The following LARP4B variants were observed in gnomAD, a reference collection of about 807,000 sequenced individuals.
LARP4B encodes the protein la-related protein 4B.
LARP4B carries 12 observed loss-of-function variants against 89.8 expected under a neutral mutation model. That is an observed-to-expected ratio of 0.13 (90% CI 0.09 to 0.22). The LOEUF (loss-of-function observed/expected upper bound fraction) is 0.22. LARP4B is among the 10% of genes least tolerant of loss of function. The probability of loss-of-function intolerance (pLI) is 1.00; values close to 1 mark genes in which losing one functional copy is unlikely to be tolerated. For synonymous variants in LARP4B, 367 were observed against 363.3 expected, an observed-to-expected ratio of 1.01 and a Z score of -0.12; for missense variants, 757 against 947.7, an observed-to-expected ratio of 0.80 and a Z score of 2.64.
chr10:910,667 C>A (rs924651859), intron 1 of LARP4B, among the ~76,000 whole-genome samples: 1 of 152,164 alleles, frequency 6.6e-6, no homozygotes, highest in Non-Finnish European at 1.5e-5. Flanking sequence ...TGCCTCAGGG[C>A]CAGGATTTTG....
intron 3 of LARP4B, 56 bp downstream of exon 3, chr10:884,391 T>C (rs2131929013): frequency 8.7e-7 from 1 of 1,143,686 alleles, no homozygotes; most frequent in Non-Finnish European, 1.3e-6. Context: ...TAAGGAAGTA[T>C]CTCTGAGCCT....
intron 1 of LARP4B, among the ~76,000 whole-genome samples, chr10:921,029 T>C (rs1481751321): frequency 2.0e-5 from 3 of 152,132 alleles, no homozygotes; most frequent in African/African-American, 7.2e-5. Flanking sequence ...ATCCCAGCAC[T>C]TTGGGAGGCC....
the LARP4B span, among the ~76,000 whole-genome samples, chr10:954,609 A>G: frequency 2.0e-5 from 3 of 152,204 alleles, no homozygotes; most frequent in South Asian, 6.2e-4. This position sits in a 1 kb window ranked among gnomAD's most constrained non-coding sequence, Gnocchi z 5.0. Context: ...CACGGGACCG[A>G]GAGGCCACAG....
chr10:886,536 T>C (rs1203732101), intron 1 of LARP4B, among the ~76,000 whole-genome samples: 3 of 152,170 alleles, frequency 2.0e-5, no homozygotes, highest in Non-Finnish European at 2.9e-5. Context: ...AGTCAAGACA[T>C]AGAAACCACA....
chr10:842,172 C>T (rs978502214), intron 7 of LARP4B, among the ~76,000 whole-genome samples: 1 of 151,774 alleles, frequency 6.6e-6, no homozygotes, highest in Non-Finnish European at 1.5e-5. Flanking sequence ...TGCCAAACTT[C>T]AAAGAAACAA....
the LARP4B span, among the ~76,000 whole-genome samples, chr10:951,209 A>G: frequency 6.6e-6 from 1 of 151,918 alleles, no homozygotes; most frequent in Admixed American, 6.6e-5. Context: ...TGTTTTATAG[A>G]TGTTCTTTAT....
chr10:972,761 G>A, the LARP4B span: 2 of 456,642 alleles, frequency 4.4e-6, no homozygotes, highest in Non-Finnish European at 4.4e-6. Context: ...GCAGAGAAAA[G>A]TAGTTAGAAA....
upstream of LARP4B, among the ~76,000 whole-genome samples, chr10:935,996 C>T (rs527897763): frequency 2.6e-5 from 4 of 151,814 alleles, no homozygotes; most frequent in African/African-American, 4.8e-5. Flanking sequence ...TACCTGCCTC[C>T]GCCTCCCAAA....
chr10:931,168 G>A (rs1310113411), intron 1 of LARP4B, among the ~76,000 whole-genome samples: 1 of 148,152 alleles, frequency 6.7e-6, no homozygotes, highest in Non-Finnish European at 1.5e-5. Context: ...CCCCTGCCCC[G>A]GCCCCGGTCC....
chr10:817,689 T>C (rs1181837210), intron 15 of LARP4B, 36 bp downstream of exon 15: 3 of 1,591,750 alleles, frequency 1.9e-6, no homozygotes, highest in African/African-American at 1.3e-5. Context: ...ACCTAGACAC[T>C]GTTGGCAACT....
At position 842,939 on chromosome 10, in the gene LARP4B, C is replaced by T. The variant is rs749708128; in HGVS notation, c.639G>A (p.Val213=). The T allele has an allele frequency of 1.9e-6, 3 of 1,613,864 alleles. No homozygotes were observed. The highest frequency in any genetic ancestry group is 2.5e-6 in the Non-Finnish European group (3 of 1,179,910). The change falls in exon 7 of 18, where the codon GTG becomes GTA. Residue 213 remains valine (V), a synonymous_variant. Transcript: ENST00000316157. ...AAATTGTCATTTACTTACATCTTAG[C>T]ACTTCCACAATCAAGTCCACATCAG... ...LSTDVDLIVE[V]LRSLPLVQVD... is the part of the protein sequence containing the mutation.
At chr10:908,265 A>T (rs1009055494) in intron 1 of LARP4B, among the ~76,000 whole-genome samples, 1 of 152,154 alleles carries the variant, frequency 6.6e-6, no homozygotes, top group African/African-American at 2.4e-5. Context: ...AGCTGAACAC[A>T]TGGAGGTTGT....
chr10:875,153 A>T (rs1164515512), intron 3 of LARP4B, among the ~76,000 whole-genome samples: 2 of 152,240 alleles, frequency 1.3e-5, no homozygotes, highest in Non-Finnish European at 2.9e-5. Context: ...ACCAGCTGTA[A>T]AATGAAAGGA....
At chr10:895,454 T>C (rs1836157438) in intron 1 of LARP4B, among the ~76,000 whole-genome samples, 1 of 151,180 alleles carries the variant, frequency 6.6e-6, no homozygotes, top group Non-Finnish European at 1.5e-5. Context: ...ATCCCAACAC[T>C]TTGGGAGACA....
intron 1 of LARP4B, among the ~76,000 whole-genome samples, chr10:913,824 A>C (rs1836742661): frequency 6.6e-6 from 1 of 152,104 alleles, no homozygotes; most frequent in Non-Finnish European, 1.5e-5. Flanking sequence ...TGGGAGTATC[A>C]CTTAAACCCA....
At chr10:951,578 A>G in the LARP4B span, among the ~76,000 whole-genome samples, 4 of 152,114 alleles carry the variant, frequency 2.6e-5, no homozygotes, top group Non-Finnish European at 5.9e-5. Flanking sequence ...GAGATGGCTG[A>G]ATTAAAAACA....
At chr10:917,756 C>A (rs1382987060) in intron 1 of LARP4B, among the ~76,000 whole-genome samples, 6 of 152,188 alleles carry the variant, frequency 3.9e-5, no homozygotes. Context: ...ATAGTTGAAT[C>A]CAAAATTCCT....
Position 814,307 on chromosome 10 carries a change from C to A in LARP4B, c.1929+435G>T. 3.6e-6 allele frequency: 1 copy of A among 278,296 alleles called. No homozygotes were observed. The allele number at this position is 278,296 out of a possible 1,614,324, so 17.2% of individuals were successfully genotyped here. On this transcript the variant is annotated intron_variant, in intron 17 of 17. Transcript: ENST00000316157. This position sits in a 1 kb window ranked among gnomAD's most constrained non-coding sequence, Gnocchi z 4.4. ...AGGGAAAACAGCAGAAAGGAAGTCG[C>A]TGGGGTTCAGGCCTGCTGGGCCCAC...
the LARP4B span, among the ~76,000 whole-genome samples, chr10:977,477 T>C: frequency 6.6e-6 from 1 of 151,160 alleles, no homozygotes; most frequent in Non-Finnish European, 1.5e-5. Context: ...AGGTCAAGGC[T>C]GCAGTGAGCC....
Sources: gnomAD v4.1 joint callset for allele counts (sites outside exome capture counted in the v4.1 genomes callset) on GRCh38, gnomAD v4.1.1 for gene constraint, Gnocchi (gnomAD v3.1) non-coding constraint, MANE v1.5 for transcripts, NCBI Gene and HGNC (gene_info 2026-07-23, HGNC 2026-07-21) for gene names.